Variants in DAB1 observed in about 807,000 individuals in gnomAD.
DAB1 encodes disabled homolog 1.
DAB1 carries 15 observed loss-of-function variants against 64.6 expected under a neutral mutation model. The ratio of observed to expected loss-of-function variants is 0.23; its 90% CI spans 0.16 to 0.36. The LOEUF is 0.36. DAB1 is among the 10% of genes least tolerant of loss of function. The probability of loss-of-function intolerance (pLI) is 1.00; values close to 1 mark genes in which losing one functional copy is unlikely to be tolerated. For synonymous variants in DAB1, 235 were observed against 251.9 expected (o/e 0.93, Z 0.64); for missense variants, 596 against 706.7 (o/e 0.84, Z 1.78).
Position 57,933,901 on chromosome 1 carries a change from CT to C in DAB1, n.388-49740del, listed in dbSNP as rs750638241. ...AAATATTTGATTTGATGTGGTCAGTCTTTTTTTTTTTTGAGACCGAGTCTCA... is the reference window on the plus strand; with the variant it reads ...AAATATTTGATTTGATGTGGTCAGTCTTTTTTTTTTTGAGACCGAGTCTCA... On this transcript the variant is annotated intron_variant and non_coding_transcript_variant, in intron 5 of 20. Transcript: ENST00000485760. 1.3e-3 allele frequency among the ~76,000 whole-genome samples: 191 copies of C among 145,808 alleles called. 1 individual carries two copies. Among genetic ancestry groups the C allele is most frequent in the Middle Eastern group, 3.6e-3 (1 of 280 alleles).
At chr1:57,429,041 T>C (rs1416428054), upstream of DAB1, among the ~76,000 whole-genome samples, 1 of 151,938 alleles carries the variant, frequency 6.6e-6, no homozygotes, top group African/African-American at 2.4e-5. Flanking sequence ...GCCTCCCAAG[T>C]ATCTTGGGAC....
intron 2 of DAB1, among the ~76,000 whole-genome samples, chr1:57,157,566 GAGAA>G (rs1445899735): frequency 8.1e-6 from 1 of 123,942 alleles, no homozygotes; most frequent in Non-Finnish European, 1.8e-5. Context: ...TGCATGCACT[GAGAA>G]AGAGAGAGAG....
intron 1 of DAB1, among the ~76,000 whole-genome samples, chr1:57,329,607 A>T (rs1219445581): frequency 6.7e-6 from 1 of 148,872 alleles, no homozygotes; most frequent in Non-Finnish European, 1.5e-5. Context: ...CTATTGATGC[A>T]TCATGTTCAT....
chr1:57,712,487 A>C (rs1647038899), intron 6 of DAB1, among the ~76,000 whole-genome samples: 1 of 152,202 alleles, frequency 6.6e-6, no homozygotes, highest in South Asian at 2.1e-4. Flanking sequence ...TTTAAGAATT[A>C]TTAGTGATGT....
At chr1:57,111,458 C>G (rs1655647770) in intron 4 of DAB1, among the ~76,000 whole-genome samples, 1 of 152,178 alleles carries the variant, frequency 6.6e-6, no homozygotes, top group Non-Finnish European at 1.5e-5. Context: ...GAAAGGAACT[C>G]TTGTTTTATC....
chr1:57,268,798 CT>C (rs1387096310), intron 2 of DAB1, among the ~76,000 whole-genome samples: 1 of 152,204 alleles, frequency 6.6e-6, no homozygotes, highest in Non-Finnish European at 1.5e-5. Flanking sequence ...CACAGATGAT[CT>C]GTCAAGGGCC....
At chr1:57,036,695 A>G (rs1220668843) in intron 9 of DAB1, among the ~76,000 whole-genome samples, 1 of 152,208 alleles carries the variant, frequency 6.6e-6, no homozygotes, top group East Asian at 1.9e-4. Context: ...TTAAAAACTC[A>G]ACATGACATC....
intron 7 of DAB1, among the ~76,000 whole-genome samples, chr1:57,512,548 CATT>C (rs1261543843): frequency 6.6e-6 from 1 of 152,176 alleles, no homozygotes; most frequent in Non-Finnish European, 1.5e-5. Flanking sequence ...AGAAGACAGA[CATT>C]ATGTAATTAG....
intron 3 of DAB1, among the ~76,000 whole-genome samples, chr1:58,411,337 C>T (rs1437885074): frequency 6.6e-6 from 1 of 152,172 alleles, no homozygotes; most frequent in African/African-American, 2.4e-5. Context: ...CAAGCACATA[C>T]CCTTTCTGTG....
intron 4 of DAB1, among the ~76,000 whole-genome samples, chr1:57,136,336 T>C (rs1415860186): frequency 1.3e-5 from 2 of 152,172 alleles, no homozygotes; most frequent in Admixed American, 6.5e-5. Context: ...TTTATCACCA[T>C]TACACTATAA....
In DAB1 at chr1:57,820,037, T is replaced by G. The variant is rs139619518; in HGVS notation, n.551+63962A>C. On this transcript the variant is annotated intron_variant and non_coding_transcript_variant, in intron 6 of 20. Coordinates refer to the DAB1 transcript ENST00000485760. ...TTTCCACATCCATTATCTCATTTGG[T>G]CTTCAGAGCAGCCGTGCAAAGTACA... Among the ~76,000 whole-genome samples the G allele has an allele frequency of 1.1e-3, 173 of 152,322 alleles. 1 individual carries two copies. Among genetic ancestry groups the G allele is most frequent in the African/African-American group, 4.1e-3 (169 of 41,570 alleles).
chr1:57,161,524 G>T (rs1283455050), intron 2 of DAB1, among the ~76,000 whole-genome samples: 1 of 152,074 alleles, frequency 6.6e-6, no homozygotes, highest in Non-Finnish European at 1.5e-5. Context: ...CTTCCCTTTG[G>T]CTAATACACA....
intron 7 of DAB1, among the ~76,000 whole-genome samples, chr1:57,585,751 C>A (rs1311610062): frequency 2.0e-5 from 3 of 152,156 alleles, no homozygotes; most frequent in Non-Finnish European, 2.9e-5. Context: ...AAAGCCCAGC[C>A]AGGGAATGCA....
chr1:57,309,676 C>A (rs1159609713), intron 1 of DAB1, among the ~76,000 whole-genome samples: 2 of 152,084 alleles, frequency 1.3e-5, no homozygotes, highest in African/African-American at 4.8e-5. Context: ...CCCCAACAAC[C>A]TGGGCAAATT....
intron 3 of DAB1, among the ~76,000 whole-genome samples, chr1:58,486,406 G>A (rs1028716712): frequency 1.3e-5 from 2 of 152,098 alleles, no homozygotes; most frequent in South Asian, 4.1e-4. Context: ...TCTTTCTCCC[G>A]TTACCAACTA....
chr1:57,881,225 A>C (rs1644138912), intron 1 of DAB1, among the ~76,000 whole-genome samples: 1 of 152,216 alleles, frequency 6.6e-6, no homozygotes, highest in Middle Eastern at 3.2e-3. Context: ...TCCCTATCCT[A>C]GGGAACACTG....
intron 1 of DAB1, among the ~76,000 whole-genome samples, chr1:57,323,550 G>A (rs967114753): frequency 1.1e-4 from 17 of 152,064 alleles, no homozygotes; most frequent in Non-Finnish European, 1.9e-4. Context: ...ATGTTGATTT[G>A]CACCATTATT....
At chr1:57,942,185 CA>C (rs1346414310) in intron 5 of DAB1, among the ~76,000 whole-genome samples, 1 of 152,152 alleles carries the variant, frequency 6.6e-6, no homozygotes, top group Non-Finnish European at 1.5e-5. Flanking sequence ...TCATTGCTCA[CA>C]AGCCTTGGTA....
chr1:57,963,038 TG>T (rs1049212724), intron 5 of DAB1, among the ~76,000 whole-genome samples: 3 of 152,194 alleles, frequency 2.0e-5, no homozygotes, highest in African/African-American at 7.2e-5. Context: ...CCATTTTACC[TG>T]GGTTACTTCT....
Sources: allele counts gnomAD v4.1 joint callset (sites outside exome capture counted in the v4.1 genomes callset), GRCh38; gene constraint gnomAD v4.1.1; transcripts MANE v1.5; gene names NCBI Gene and HGNC (gene_info 2026-07-23, HGNC 2026-07-21).